The following MYT1 variants were observed in gnomAD, a reference collection of about 807,000 sequenced individuals.
MYT1 encodes the protein myelin transcription factor I.
MYT1 carries 23 observed loss-of-function variants against 123.0 expected under a neutral mutation model. The ratio of observed to expected loss-of-function variants is 0.19; its 90% CI spans 0.13 to 0.26. The LOEUF (loss-of-function observed/expected upper bound fraction) is 0.26. MYT1 is among the 10% of genes least tolerant of loss of function. The pLI, the probability that MYT1 is intolerant of heterozygous loss-of-function variation, is 1.00. For synonymous variants in MYT1, 518 were observed against 575.3 expected (o/e 0.90, Z 1.43); for missense variants, 1,125 against 1,472.5 (o/e 0.76, Z 3.86).
At chr20:64,223,035 C>T in intron 14 of MYT1, 76 bp from the exon 15 acceptor site, 2 of 1,555,836 alleles carry the variant, frequency 1.3e-6, no homozygotes, top group African/African-American at 2.7e-5. Context: ...GCACCAGTCT[C>T]CCTCGCAGAG....
At chr20:64,184,180 T>A (rs1982733604) in intron 1 of MYT1, among the ~76,000 whole-genome samples, 1 of 152,190 alleles carries the variant, frequency 6.6e-6, no homozygotes, top group Non-Finnish European at 1.5e-5. Flanking sequence ...TATTACTTTT[T>A]TTCTTTAATG....
At position 64,232,383 on chromosome 20, in the gene MYT1, G is replaced by A; in HGVS notation, c.2895G>A (p.Arg965=). Residue 965 remains arginine (R), a splice_region_variant and synonymous_variant, in exon 19 of 23, where the codon CGG becomes CGA. Coordinates refer to ENST00000328439, the MANE Select transcript of MYT1 (RefSeq NM_004535.3). The surrounding 1 kb of genome is among the most constrained non-coding windows in gnomAD (Gnocchi z 6.9). ...GHANGSFLTH[R]SLSGCPRATF... ...CCAATGGGAGTTTCCTCACCCACCG[G>A]AGGTAACTGTGCCTGCAGGTCCTGC... 1 of 1,612,918 alleles carries A rather than the reference G, an allele frequency of 6.2e-7. No individual in the cohort carries two copies. The highest frequency in any genetic ancestry group is 8.5e-7 in the Non-Finnish European group (1 of 1,179,902).
chr20:64,227,350 C>T lies in MYT1; in HGVS notation c.2529-65C>T, dbSNP rs543928812. The T allele has an allele frequency of 1.2e-5, 18 of 1,522,546 alleles. No individual in the cohort carries two copies. In the South Asian group the frequency reaches 1.8e-4, roughly 16 times the overall value. 94.3% of individuals were successfully genotyped at this position (1,522,546 alleles called of 1,614,324 possible). A position where few individuals can be genotyped will look rare whatever the true frequency, so the allele number is the denominator to read the frequency against. ...CCAGAAGGCTTTCCTCTGGGGGTCCCAGGGCTCTGGGCCGGGGCTAAACGC... is the reference window on the plus strand; with the variant it reads ...CCAGAAGGCTTTCCTCTGGGGGTCCTAGGGCTCTGGGCCGGGGCTAAACGC... On this transcript the variant is annotated intron_variant, in intron 16 of 22. Coordinates refer to ENST00000328439, the MANE Select transcript of MYT1 (RefSeq NM_004535.3).
intron 16 of MYT1, among the ~76,000 whole-genome samples, chr20:64,226,142 G>A (rs1984163544): frequency 6.6e-6 from 1 of 152,250 alleles, no homozygotes; most frequent in Admixed American, 6.5e-5. Context: ...AACCCAGGAA[G>A]GAGAGGCAGG....
intron 19 of MYT1, among the ~76,000 whole-genome samples, chr20:64,234,224 T>C (rs78684297): frequency 2.6e-5 from 4 of 152,302 alleles, no homozygotes; most frequent in African/African-American, 9.6e-5. Context: ...TGAGTGTCTA[T>C]ATCCGAGGAG....
rs1216975796 is a variant in MYT1 at position 64,192,762 on chromosome 20, C to T, written c.-1+2602C>T. Among the ~76,000 whole-genome samples the T allele has an allele frequency of 2.6e-5, 4 of 152,228 alleles. No homozygotes were observed. The South Asian group carries it at 8.3e-4, about 32-fold the overall frequency. On this transcript the variant is annotated intron_variant, in intron 2 of 22. Transcript: ENST00000328439. This position sits in a 1 kb window ranked among gnomAD's most constrained non-coding sequence, Gnocchi z 5.3. ...TCAGCCAACCCTTCTTCCTGCCACC[C>T]AGGGCAGGAGGTGCCTCTGGCAAGG...
At chr20:64,226,632 T>A (rs1984176113) in intron 16 of MYT1, among the ~76,000 whole-genome samples, 1 of 152,200 alleles carries the variant, frequency 6.6e-6, no homozygotes, top group Non-Finnish European at 1.5e-5. Context: ...CTCTCTAACA[T>A]CAGCAGGAAC....
In MYT1 at chr20:64,167,293, C is replaced by T. The variant is rs958789412; in HGVS notation, c.-99+2554C>T. ...AGTGGGCGGGCTGGTGGGGGCTGAG[C>T]TCTTCCTGGACGGACTCAGTGCAAA... On this transcript the variant is annotated intron_variant, in intron 1 of 22. Coordinates refer to ENST00000328439, the MANE Select transcript of MYT1 (RefSeq NM_004535.3). This position sits in a 1 kb window ranked among gnomAD's most constrained non-coding sequence, Gnocchi z 6.3. Among the ~76,000 whole-genome samples the T allele has an allele frequency of 6.6e-6, 1 of 152,166 alleles. No homozygotes were observed. The highest frequency in any genetic ancestry group is 1.5e-5 in the Non-Finnish European group (1 of 68,032).
chr20:64,203,104 G>T lies in MYT1; in HGVS notation c.87-1931G>T, dbSNP rs908487957. 6.6e-6 allele frequency among the ~76,000 whole-genome samples: 1 copy of T among 152,164 alleles called. No individual in the cohort carries two copies. The highest frequency in any genetic ancestry group is 1.5e-5 in the Non-Finnish European group (1 of 68,036). ...CAGCTTCCTGTCCCCGAGCGGCCTT[G>T]TCCGCTCCACGCACTTGGGCTCACA... is the stretch of plus-strand genomic sequence containing the variant. On this transcript the variant is annotated intron_variant, in intron 4 of 22. Coordinates refer to ENST00000328439, the MANE Select transcript of MYT1 (RefSeq NM_004535.3). The surrounding 1 kb of genome is among the most constrained non-coding windows in gnomAD (Gnocchi z 5.1).
At chr20:64,165,880 G>A (rs1045104720) in intron 1 of MYT1, among the ~76,000 whole-genome samples, 11 of 152,064 alleles carry the variant, frequency 7.2e-5, no homozygotes, top group Non-Finnish European at 1.5e-4. Flanking sequence ...TCTAACGCCA[G>A]TGGCTGAGTG....
At chr20:64,180,052 A>G (rs28725199) in intron 1 of MYT1, among the ~76,000 whole-genome samples, 17 of 139,234 alleles carry the variant, frequency 1.2e-4, no homozygotes, top group Admixed American at 1.1e-3. Flanking sequence ...ACAGTCACAC[A>G]CAGTTACACA....
At chr20:64,183,943 C>T (rs1261694585) in intron 1 of MYT1, among the ~76,000 whole-genome samples, 1 of 152,120 alleles carries the variant, frequency 6.6e-6, no homozygotes, top group African/African-American at 2.4e-5. Context: ...GCCTCAGCCT[C>T]CTAAGTAGCT....
chr20:64,227,121 G>A (rs1161347558), intron 16 of MYT1, among the ~76,000 whole-genome samples: 1 of 152,246 alleles, frequency 6.6e-6, no homozygotes. Context: ...TTTGGTGTCT[G>A]GGTGTAAACC....
At chr20:64,211,609 G>A (rs979826765) in intron 8 of MYT1, among the ~76,000 whole-genome samples, 1 of 152,246 alleles carries the variant, frequency 6.6e-6, no homozygotes, top group Non-Finnish European at 1.5e-5. Context: ...ACAGATCGAT[G>A]GGAGGGGGAC....
chr20:64,207,490 T>A, intron 6 of MYT1, 104 bp from the exon 7 acceptor site: 1 of 1,518,644 alleles, frequency 6.6e-7, no homozygotes, highest in Non-Finnish European at 8.8e-7. Context: ...GTATAAAGAG[T>A]GAGTGGTAGG....
Position 64,198,911 on chromosome 20 carries a change from T to G in MYT1, c.50T>G (p.Leu17Arg). Residue 17 changes from leucine (L) to arginine (R), a missense_variant, in exon 3 of 23, where the codon CTG (leucine) becomes CGG (arginine). Leu to Arg is a moderately radical substitution (Grantham distance 102). Transcript: ENST00000328439. The part of the protein sequence containing the change: ...DKRARTRSKA[L>R]RGPPETTAAD... ...CGAGCTCGCACCCGATCCAAGGCCC[T>G]GCGAGGTGAGTGCCGCCCTCCCCTC... The G allele has an allele frequency of 6.2e-7, 1 of 1,614,070 alleles. No homozygotes were observed. Among genetic ancestry groups the G allele is most frequent in the Non-Finnish European group, 8.5e-7 (1 of 1,179,932 alleles).
At chr20:64,205,218 T>G (rs1484566648) in intron 5 of MYT1, 121 bp downstream of exon 5, 1 of 1,215,556 alleles carries the variant, frequency 8.2e-7, no homozygotes, top group African/African-American at 1.5e-5. Flanking sequence ...CTGCTGACCC[T>G]TCTGCGAGGC....
At chr20:64,220,589 T>C (rs1028068678) in intron 13 of MYT1, among the ~76,000 whole-genome samples, 2 of 152,234 alleles carry the variant, frequency 1.3e-5, no homozygotes, top group Non-Finnish European at 2.9e-5. Context: ...GTTCTGGGCT[T>C]TTTCCCAAGG....
In MYT1 at chr20:64,231,058, C is replaced by T. The variant is rs546569296; in HGVS notation, c.2676-1106C>T. On this transcript the variant is annotated intron_variant, in intron 18 of 22. Coordinates refer to ENST00000328439, the MANE Select transcript of MYT1 (RefSeq NM_004535.3). The surrounding 1 kb of genome is among the most constrained non-coding windows in gnomAD (Gnocchi z 6.4). Reference sequence around the variant, plus strand: ...TGCCCCCGCCCCCGCCCCCTGCTACCGTCCTCCCGAGCGCTTCCTGCGCTG... The same window carrying T: ...TGCCCCCGCCCCCGCCCCCTGCTACTGTCCTCCCGAGCGCTTCCTGCGCTG... 4.1e-4 allele frequency among the ~76,000 whole-genome samples: 62 copies of T among 151,744 alleles called. No homozygotes were observed. Among genetic ancestry groups the T allele is most frequent in the South Asian group, 1.7e-3 (8 of 4,764 alleles).
Sources: allele counts gnomAD v4.1 joint callset (sites outside exome capture counted in the v4.1 genomes callset), GRCh38; gene constraint gnomAD v4.1.1; non-coding constraint Gnocchi (gnomAD v3.1); transcripts MANE v1.5; gene names NCBI Gene and HGNC (gene_info 2026-07-23, HGNC 2026-07-21).